The following GBE1 variants were observed in gnomAD, a reference collection of about 807,000 sequenced individuals.
The protein encoded by GBE1 is 1,4-alpha-glucan branching enzyme 1, also known as 1,4-alpha-glucan-branching enzyme.
GBE1 carries 70 observed loss-of-function variants against 88.8 expected under a neutral mutation model. The observed-to-expected ratio is 0.79, with a 90% confidence interval of 0.65 to 0.96. The LOEUF (loss-of-function observed/expected upper bound fraction) is 0.96, where lower values mean the gene tolerates loss of function less well. Ranked by LOEUF, GBE1 falls within the 40% of genes least tolerant of loss-of-function variation. The probability of loss-of-function intolerance (pLI) is 0.00; values close to 1 mark genes in which losing one functional copy is unlikely to be tolerated. For synonymous variants in GBE1, 284 were observed against 300.1 expected (o/e 0.95, Z 0.56); for missense variants, 872 against 871.0 (o/e 1.00, Z -0.01).
intron 7 of GBE1, among the ~76,000 whole-genome samples, chr3:81,637,577 C>A (rs1027844630): frequency 6.6e-6 from 1 of 151,962 alleles, no homozygotes; most frequent in Non-Finnish European, 1.5e-5. Flanking sequence ...ACATATTTAT[C>A]CTTTGTATGC....
Position 81,586,164 on chromosome 3 carries a change from G to A in GBE1, c.1263C>T (p.Cys421=). The change falls in exon 10 of 16, where the codon TGC becomes TGT. Residue 421 remains cysteine (C), a synonymous_variant. Transcript: ENST00000429644. ...AEDVSGMPAL[C]SPISQGGGGF... ...CACCCCCTCCCTGGGAAATTGGAGA[G>A]CACAGAGCTGGCATTCCTGATACAT... The A allele has an allele frequency of 6.2e-7, 1 of 1,607,128 alleles. No homozygotes were observed. Among genetic ancestry groups the A allele is most frequent in the Non-Finnish European group, 8.5e-7 (1 of 1,177,360 alleles).
In GBE1 at chr3:81,724,374, G is replaced by A. The variant is rs980615400; in HGVS notation, c.144-18761C>T. ...AATGCTTCCCAATATGATAATAAGT[G>A]CATTAAGATACTGTTCACTAATTAT... On this transcript the variant is annotated intron_variant, in intron 1 of 15. Transcript: ENST00000429644. Among the ~76,000 whole-genome samples, 8 of 152,106 alleles carry A rather than the reference G, an allele frequency of 5.3e-5. No homozygotes were observed. In the East Asian group the frequency reaches 1.5e-3, roughly 29 times the overall value.
intron 1 of GBE1, among the ~76,000 whole-genome samples, chr3:81,758,253 T>G (rs1043145328): frequency 1.3e-5 from 2 of 152,228 alleles, no homozygotes; most frequent in Non-Finnish European, 2.9e-5. Context: ...ATACCGGATC[T>G]GAAAGTACTT....
At chr3:81,541,361 C>T (rs923237616) in intron 12 of GBE1, among the ~76,000 whole-genome samples, 72 of 151,588 alleles carry the variant, frequency 4.7e-4, no homozygotes, top group African/African-American at 1.7e-3. Context: ...TGTGAAATTA[C>T]ATTATTATCA....
chr3:81,651,240 T>C (rs1475358603), intron 3 of GBE1, among the ~76,000 whole-genome samples: 1 of 152,148 alleles, frequency 6.6e-6, no homozygotes, highest in Non-Finnish European at 1.5e-5. Flanking sequence ...AAATATTAAG[T>C]GAGATTACAT....
chr3:81,641,600 G>A (rs1704679668), intron 7 of GBE1, among the ~76,000 whole-genome samples: 1 of 152,066 alleles, frequency 6.6e-6, no homozygotes, highest in African/African-American at 2.4e-5. Context: ...ACCAGAGTGA[G>A]TCTAGGCCAG....
chr3:81,554,462 T>A (rs1703319854), intron 12 of GBE1, among the ~76,000 whole-genome samples: 1 of 152,176 alleles, frequency 6.6e-6, no homozygotes, highest in African/African-American at 2.4e-5. Context: ...AGGTTTAGAC[T>A]CAAAAGTTTA....
chr3:81,538,204 G>A (rs901674449), intron 12 of GBE1, among the ~76,000 whole-genome samples: 1 of 151,728 alleles, frequency 6.6e-6, no homozygotes, highest in African/African-American at 2.4e-5. Flanking sequence ...CAATACAAAC[G>A]TATCCTACTT....
intron 1 of GBE1, chr3:81,743,629 T>G: frequency 6.5e-7 from 1 of 1,534,048 alleles, no homozygotes; most frequent in Non-Finnish European, 8.7e-7. Context: ...CAAGTGAAAT[T>G]GGAACATCCA....
chr3:81,618,519 C>T (rs528130329), intron 7 of GBE1, among the ~76,000 whole-genome samples: 3 of 152,140 alleles, frequency 2.0e-5, no homozygotes, highest in South Asian at 2.1e-4. Flanking sequence ...GGATCATTTT[C>T]GTGTTAATTT....
At chr3:81,758,979 G>C (rs1020816547) in intron 1 of GBE1, among the ~76,000 whole-genome samples, 1 of 152,196 alleles carries the variant, frequency 6.6e-6, no homozygotes, top group Non-Finnish European at 1.5e-5. Flanking sequence ...TAAGTCTCAC[G>C]AGACCTGATG....
chr3:81,619,805 A>C (rs953931229), intron 7 of GBE1, among the ~76,000 whole-genome samples: 1 of 152,138 alleles, frequency 6.6e-6, no homozygotes, highest in East Asian at 1.9e-4. Context: ...TTGGCTTTTC[A>C]CATTTATTTT....
chr3:81,674,933 C>T (rs1481696342), intron 2 of GBE1, among the ~76,000 whole-genome samples: 1 of 151,960 alleles, frequency 6.6e-6, no homozygotes, highest in African/African-American at 2.4e-5. Flanking sequence ...ACACATAGAA[C>T]TAGAAAGGTC....
chr3:81,525,675 G>C (rs1024599005), intron 14 of GBE1, among the ~76,000 whole-genome samples: 1 of 151,898 alleles, frequency 6.6e-6, no homozygotes, highest in Non-Finnish European at 1.5e-5. Flanking sequence ...ACTTTTTTTG[G>C]TTGGTAAGCT....
chr3:81,513,265 CA>C (rs1702748786), intron 14 of GBE1, among the ~76,000 whole-genome samples: 1 of 151,378 alleles, frequency 6.6e-6, no homozygotes, highest in South Asian at 2.1e-4. Flanking sequence ...GACAGTGCTG[CA>C]GGATACAGAG....
At chr3:81,667,400 A>G (rs1383456060) in intron 3 of GBE1, among the ~76,000 whole-genome samples, 1 of 152,204 alleles carries the variant, frequency 6.6e-6, no homozygotes, top group Non-Finnish European at 1.5e-5. Context: ...AACAGAGACA[A>G]TTTGACTTCC....
intron 1 of GBE1, among the ~76,000 whole-genome samples, chr3:81,710,740 C>T (rs1201567965): frequency 1.3e-5 from 2 of 152,102 alleles, no homozygotes; most frequent in Non-Finnish European, 2.9e-5. Flanking sequence ...ATACTTTTTA[C>T]TTTATCAATG....
intron 12 of GBE1, among the ~76,000 whole-genome samples, chr3:81,569,878 G>A (rs1309891246): frequency 6.6e-6 from 1 of 152,002 alleles, no homozygotes; most frequent in Non-Finnish European, 1.5e-5. Context: ...GTAATGGTGT[G>A]ATCTTAGCTC....
intron 1 of GBE1, among the ~76,000 whole-genome samples, chr3:81,754,772 T>C (rs1706579078): frequency 6.6e-6 from 1 of 152,100 alleles, no homozygotes; most frequent in African/African-American, 2.4e-5. Flanking sequence ...TGGATAACTA[T>C]ATGATGAAGA....
Sources: allele counts gnomAD v4.1 joint callset (sites outside exome capture counted in the v4.1 genomes callset), GRCh38; gene constraint gnomAD v4.1.1; transcripts MANE v1.5; gene names NCBI Gene and HGNC (gene_info 2026-07-23, HGNC 2026-07-21).